XKR4: variants seen among roughly 807,000 people sequenced by gnomAD.
XKR4 encodes XK related 4, also known as XK-related protein 4.
A neutral mutation model predicts 53.9 loss-of-function variants in XKR4; 12 were observed. The observed-to-expected ratio is 0.22, with a 90% CI of 0.14 to 0.36. The LOEUF is 0.36. Ranked by LOEUF, XKR4 falls within the 10% of genes least tolerant of loss-of-function variation. XKR4 has a pLI of 1.00. For missense variants in XKR4, 799 were observed against 859.5 expected (o/e 0.93, Z 0.88); for synonymous variants, 354 against 362.4 (o/e 0.98, Z 0.26).
intron 1 of XKR4, among the ~76,000 whole-genome samples, chr8:55,326,331 A>G (rs1332327370): frequency 1.3e-5 from 2 of 152,174 alleles, no homozygotes; most frequent in African/African-American, 4.8e-5. Context: ...ATAACCAGGC[A>G]TGATCAGTGT....
At chr8:55,492,245 G>GA (rs200873726) in intron 2 of XKR4, among the ~76,000 whole-genome samples, 1 of 151,908 alleles carries the variant, frequency 6.6e-6, no homozygotes, top group African/African-American at 2.4e-5. Context: ...TTATGGAAAG[G>GA]AAAAAAATTC....
At chr8:55,248,528 G>T (rs778914437) in intron 1 of XKR4, among the ~76,000 whole-genome samples, 1 of 152,156 alleles carries the variant, frequency 6.6e-6, no homozygotes, top group African/African-American at 2.4e-5. Flanking sequence ...AAAACAATAC[G>T]TAACACTAGT....
At chr8:55,238,999 T>C (rs1191673502) in intron 1 of XKR4, among the ~76,000 whole-genome samples, 1 of 152,204 alleles carries the variant, frequency 6.6e-6, no homozygotes, top group Non-Finnish European at 1.5e-5. Flanking sequence ...ACACATTTTA[T>C]TCACACATGA....
intron 1 of XKR4, among the ~76,000 whole-genome samples, chr8:55,282,584 G>A (rs1818857875): frequency 1.3e-5 from 2 of 152,158 alleles, no homozygotes; most frequent in East Asian, 1.9e-4. Flanking sequence ...TGAACCAATA[G>A]AGCAAGAACT....
At chr8:55,194,029 C>T (rs1479359074) in intron 1 of XKR4, among the ~76,000 whole-genome samples, 1 of 152,236 alleles carries the variant, frequency 6.6e-6, no homozygotes, top group East Asian at 1.9e-4. Context: ...AGCTCCCTGC[C>T]TGGGTCCCCC....
intron 2 of XKR4, among the ~76,000 whole-genome samples, chr8:55,419,658 G>A (rs1284500298): frequency 6.6e-6 from 1 of 152,172 alleles, no homozygotes; most frequent in Non-Finnish European, 1.5e-5. Flanking sequence ...TTAGGGTCCT[G>A]CTACTTAGCA....
At chr8:55,163,269 T>G (rs996564111) in intron 1 of XKR4, among the ~76,000 whole-genome samples, 2 of 152,236 alleles carry the variant, frequency 1.3e-5, no homozygotes, top group Admixed American at 6.5e-5. Context: ...AGCTACTTGC[T>G]TTTAAGTGTG....
intron 2 of XKR4, among the ~76,000 whole-genome samples, chr8:55,424,858 C>G (rs1222164361): frequency 6.6e-6 from 1 of 152,234 alleles, no homozygotes; most frequent in Admixed American, 6.5e-5. Flanking sequence ...TATTGCAGAT[C>G]ACAAAGCAGT....
At chr8:55,135,748 G>T (rs761124599) in intron 1 of XKR4, 37 of 414,866 alleles carry the variant, frequency 8.9e-5, no homozygotes, top group Non-Finnish European at 1.7e-4. Context: ...CCTGACCCCT[G>T]ACCCAGCAGG....
intron 1 of XKR4, among the ~76,000 whole-genome samples, chr8:55,354,038 A>G (rs1276336707): frequency 6.6e-6 from 1 of 152,224 alleles, no homozygotes; most frequent in Non-Finnish European, 1.5e-5. Flanking sequence ...AGGCAGAGCA[A>G]CTAGGTTGAT....
At chr8:55,285,910 G>A (rs868468308) in intron 1 of XKR4, among the ~76,000 whole-genome samples, 4 of 152,294 alleles carry the variant, frequency 2.6e-5, no homozygotes, top group Middle Eastern at 6.8e-3. Flanking sequence ...GCAGTTTGAT[G>A]GTGACATTGC....
Position 55,216,029 on chromosome 8 carries a change from A to G in XKR4, c.806+112735A>G, listed in dbSNP as rs1375445057. 2.0e-5 allele frequency among the ~76,000 whole-genome samples: 3 copies of G among 152,266 alleles called. No homozygotes were observed. The East Asian group carries it at 5.8e-4, about 29-fold the overall frequency. On this transcript the variant is annotated intron_variant, in intron 1 of 2. Coordinates refer to ENST00000327381, the MANE Select transcript of XKR4 (RefSeq NM_052898.2). ...TAGAATCTAAACACATAAGTTACTA[A>G]AGAAAAATACATATGATGAAAATAA...
intron 2 of XKR4, among the ~76,000 whole-genome samples, chr8:55,437,405 G>A (rs1482805879): frequency 6.6e-6 from 1 of 152,034 alleles, no homozygotes; most frequent in Non-Finnish European, 1.5e-5. Context: ...TTTTGAATCA[G>A]GGTTAAGTAG....
At chr8:55,141,629 C>T (rs971738436) in intron 1 of XKR4, among the ~76,000 whole-genome samples, 1 of 145,638 alleles carries the variant, frequency 6.9e-6, no homozygotes, top group Non-Finnish European at 1.5e-5. Flanking sequence ...CTTTCTGTCT[C>T]TCTTGGTGCT....
intron 2 of XKR4, among the ~76,000 whole-genome samples, chr8:55,384,830 C>T (rs188698876): frequency 2.5e-4 from 38 of 152,350 alleles, no homozygotes; most frequent in African/African-American, 8.7e-4. Flanking sequence ...ATCATTCTGA[C>T]TCTTTAGCAA....
At chr8:55,509,824 G>C (rs544518376) in intron 2 of XKR4, among the ~76,000 whole-genome samples, 1 of 152,134 alleles carries the variant, frequency 6.6e-6, no homozygotes, top group African/African-American at 2.4e-5. Context: ...TGTTCTTTCG[G>C]CAAGAAAGGC....
intron 1 of XKR4, among the ~76,000 whole-genome samples, chr8:55,248,287 A>G (rs898725268): frequency 6.6e-6 from 1 of 152,208 alleles, no homozygotes. Context: ...TAGGCATACA[A>G]TACTATATAG....
At chr8:55,248,445 AAAGTCAGATTGC>A (rs1563492686) in intron 1 of XKR4, among the ~76,000 whole-genome samples, 1 of 152,246 alleles carries the variant, frequency 6.6e-6, no homozygotes, top group Non-Finnish European at 1.5e-5. Flanking sequence ...GCCAAGTCTG[AAAGTCAGATTGC>A]ATTACACACA....
intron 1 of XKR4, among the ~76,000 whole-genome samples, chr8:55,342,233 G>A (rs1299765260): frequency 3.9e-5 from 6 of 151,934 alleles, no homozygotes; most frequent in South Asian, 4.2e-4. Flanking sequence ...TACAAATAAC[G>A]TGTAACATGG....
Sources: gnomAD v4.1 joint callset for allele counts (sites outside exome capture counted in the v4.1 genomes callset) on GRCh38, gnomAD v4.1.1 for gene constraint, MANE v1.5 for transcripts, NCBI Gene and HGNC (gene_info 2026-07-23, HGNC 2026-07-21) for gene names.